Variants in XPR1 observed in about 807,000 individuals in gnomAD.
XPR1 encodes solute carrier family 53 member 1.
XPR1 carries 28 observed loss-of-function variants against 87.5 expected under a neutral mutation model. That is an observed-to-expected ratio of 0.32 (90% confidence interval 0.24 to 0.44). XPR1 has a LOEUF of 0.44. Among genes scored for constraint, XPR1 ranks in the 20% least tolerant of loss-of-function variants. The pLI is 1.00. For synonymous variants in XPR1, 300 were observed against 306.1 expected (o/e 0.98, Z 0.21); for missense variants, 559 against 862.3 (o/e 0.65, Z 4.41).
At chr1:180,674,175 A>C (rs1656286680) in intron 1 of XPR1, among the ~76,000 whole-genome samples, 1 of 152,204 alleles carries the variant, frequency 6.6e-6, no homozygotes, top group South Asian at 2.1e-4. Context: ...TGCCATCACT[A>C]TTCCTGTTTT....
chr1:180,713,755 T>G (rs1416016962), intron 2 of XPR1, among the ~76,000 whole-genome samples: 2 of 152,200 alleles, frequency 1.3e-5, no homozygotes, highest in Non-Finnish European at 2.9e-5. Context: ...TTTTTATATG[T>G]TGTTGAATTA....
chr1:180,790,729 G>A (rs1483885445), intron 3 of XPR1, among the ~76,000 whole-genome samples: 1 of 152,034 alleles, frequency 6.6e-6, no homozygotes, highest in African/African-American at 2.4e-5. Flanking sequence ...TTTTAGTAGA[G>A]ACGGGGTTTC....
At chr1:180,812,258 G>A (rs1160034287) in intron 7 of XPR1, among the ~76,000 whole-genome samples, 4 of 152,088 alleles carry the variant, frequency 2.6e-5, no homozygotes, top group Non-Finnish European at 5.9e-5. Flanking sequence ...ATAGTGCTGG[G>A]CTCAATCCTT....
At chr1:180,723,507 T>G (rs959385915) in intron 2 of XPR1, among the ~76,000 whole-genome samples, 2 of 152,220 alleles carry the variant, frequency 1.3e-5, no homozygotes, top group Non-Finnish European at 2.9e-5. Flanking sequence ...ACTGCTTTCT[T>G]CCTTATAGCA....
chr1:180,861,143 C>T (rs1652206815), intron 11 of XPR1, among the ~76,000 whole-genome samples: 1 of 152,226 alleles, frequency 6.6e-6, no homozygotes, highest in South Asian at 2.1e-4. Flanking sequence ...GTATCTATTA[C>T]TCTATTCTCA....
intron 1 of XPR1, among the ~76,000 whole-genome samples, chr1:180,658,938 C>G (rs1416759644): frequency 2.0e-5 from 3 of 152,162 alleles, no homozygotes; most frequent in Non-Finnish European, 2.9e-5. Context: ...GTTGAACCAT[C>G]CTTGCATTCC....
chr1:180,765,664 T>A (rs571071518), intron 2 of XPR1, among the ~76,000 whole-genome samples: 3 of 152,354 alleles, frequency 2.0e-5, no homozygotes, highest in East Asian at 1.9e-4. Context: ...GGATTACTTA[T>A]CATACCTTAT....
At chr1:180,822,919 A>G (rs2102148837) in intron 7 of XPR1, among the ~76,000 whole-genome samples, 1 of 152,326 alleles carries the variant, frequency 6.6e-6, no homozygotes, top group Admixed American at 6.5e-5. Flanking sequence ...TACAAAGGTA[A>G]ACAATAAATG....
intron 2 of XPR1, among the ~76,000 whole-genome samples, chr1:180,688,004 T>C (rs1243320588): frequency 1.3e-5 from 2 of 151,530 alleles, no homozygotes; most frequent in African/African-American, 4.8e-5. Flanking sequence ...GTGACTGAGA[T>C]GTTGACTTAG....
intron 11 of XPR1, among the ~76,000 whole-genome samples, chr1:180,842,996 G>A (rs1571888308): frequency 1.3e-5 from 2 of 152,282 alleles, no homozygotes; most frequent in East Asian, 3.9e-4. Flanking sequence ...GTTTTCCAAT[G>A]CCCAGATCTT....
At position 180,886,368 on chromosome 1, in the gene XPR1, CTT is replaced by C. The variant is rs1053372771; in HGVS notation, c.*2304_*2305del. ...TATCCAGAGACATTTGAATTATTAA[CTT>C]TATTCTTTATTAGTGAATCTCTATG... On this transcript the variant is annotated 3_prime_UTR_variant, in exon 15 of 15. Coordinates refer to ENST00000367590, the MANE Select transcript of XPR1 (RefSeq NM_004736.4). 2 of 152,160 alleles carry C rather than the reference CTT, an allele frequency of 1.3e-5. No homozygotes were observed. The highest frequency in any genetic ancestry group is 4.8e-5 in the African/African-American group (2 of 41,444). The allele number at this position is 152,160 out of a possible 1,614,324, so 9.4% of individuals were successfully genotyped here.
chr1:180,717,575 A>G (rs1042455071), intron 2 of XPR1, among the ~76,000 whole-genome samples: 1 of 152,174 alleles, frequency 6.6e-6, no homozygotes, highest in African/African-American at 2.4e-5. Flanking sequence ...ATCCCAGTCT[A>G]TATCTCCTAC....
chr1:180,676,325 A>T (rs1232177333), intron 1 of XPR1, among the ~76,000 whole-genome samples: 1 of 152,224 alleles, frequency 6.6e-6, no homozygotes, highest in Non-Finnish European at 1.5e-5. Flanking sequence ...TAATTTTGCT[A>T]CACATTCCTA....
intron 1 of XPR1, among the ~76,000 whole-genome samples, chr1:180,652,074 A>G (rs1052982395): frequency 2.0e-5 from 3 of 152,156 alleles, no homozygotes; most frequent in African/African-American, 4.8e-5. Flanking sequence ...CGCGGATCAC[A>G]TGAGGTCCGG....
intron 9 of XPR1, among the ~76,000 whole-genome samples, chr1:180,830,514 G>C (rs1651016000): frequency 6.6e-6 from 1 of 152,104 alleles, no homozygotes; most frequent in Non-Finnish European, 1.5e-5. Context: ...TAAATATTTA[G>C]AGAAACAGAA....
chr1:180,859,399 G>C (rs1652144973), intron 11 of XPR1, among the ~76,000 whole-genome samples: 1 of 152,138 alleles, frequency 6.6e-6, no homozygotes, highest in Non-Finnish European at 1.5e-5. Context: ...TAGAAGCTTA[G>C]AGTAGAATAG....
At chr1:180,853,796 T>G (rs1020543082) in intron 11 of XPR1, among the ~76,000 whole-genome samples, 8 of 150,230 alleles carry the variant, frequency 5.3e-5, no homozygotes, top group African/African-American at 1.5e-4. Flanking sequence ...ATGTGGTTTT[T>G]TTTTTTTTTT....
At chr1:180,747,943 A>G (rs1405038941) in intron 2 of XPR1, among the ~76,000 whole-genome samples, 1 of 152,224 alleles carries the variant, frequency 6.6e-6, no homozygotes, top group African/African-American at 2.4e-5. Flanking sequence ...CAGAAGAACA[A>G]CAACCAAAAC....
Position 180,713,673 on chromosome 1 carries a change from A to G in XPR1, c.121+31262A>G, listed in dbSNP as rs1243935197. ...CTCTTTTAGTTTGTTAATGTGGCGA[A>G]TTACATTGATTTTCACATGTTAAAT... On this transcript the variant is annotated intron_variant, in intron 2 of 14. Transcript: ENST00000367590. Among the ~76,000 whole-genome samples, 3 of 152,190 alleles carry G rather than the reference A, an allele frequency of 2.0e-5. No individual in the cohort carries two copies. In the East Asian group the frequency reaches 5.8e-4, roughly 29 times the overall value.
Sources: gnomAD v4.1 joint callset for allele counts (sites outside exome capture counted in the v4.1 genomes callset) on GRCh38, gnomAD v4.1.1 for gene constraint, MANE v1.5 for transcripts, NCBI Gene and HGNC (gene_info 2026-07-23, HGNC 2026-07-21) for gene names.